The following POC1B variants were observed in gnomAD, a reference collection of about 807,000 sequenced individuals.
The protein encoded by POC1B is POC1 centriolar protein B.
In POC1B, 44 loss-of-function variants were observed where a neutral mutation model predicts 60.6. The ratio of observed to expected loss-of-function variants is 0.73; its 90% CI spans 0.57 to 0.93. The LOEUF (loss-of-function observed/expected upper bound fraction) is 0.93. Ranked by LOEUF, POC1B falls within the 40% of genes least tolerant of loss-of-function variation. The pLI is 0.00. For missense variants in POC1B, 555 were observed against 572.3 expected (o/e 0.97, Z 0.31); for synonymous variants, 180 against 198.9 (o/e 0.90, Z 0.80).
At chr12:89,522,797 A>C (rs1000403457) in intron 2 of POC1B, 13 of 1,547,504 alleles carry the variant, frequency 8.4e-6, no homozygotes, top group Non-Finnish European at 2.6e-6. Flanking sequence ...GCTCATGACG[A>C]AAGTGCTGTT....
chr12:89,507,175 G>T (rs770545627), intron 2 of POC1B, among the ~76,000 whole-genome samples: 1 of 150,672 alleles, frequency 6.6e-6, no homozygotes, highest in South Asian at 2.1e-4. Context: ...CTGTGGGGGT[G>T]GGGGAGGCTG....
At chr12:89,433,853 A>G (rs769956927) in intron 10 of POC1B, among the ~76,000 whole-genome samples, 3 of 152,196 alleles carry the variant, frequency 2.0e-5, no homozygotes, top group Non-Finnish European at 4.4e-5. Context: ...TCAAAAGCCA[A>G]TGTTGACTAA....
intron 10 of POC1B, among the ~76,000 whole-genome samples, chr12:89,439,486 T>C (rs1342223183): frequency 6.6e-6 from 1 of 152,258 alleles, no homozygotes; most frequent in African/African-American, 2.4e-5. Flanking sequence ...ATGCAGGGTC[T>C]GATTTGGTAG....
intron 3 of POC1B, 61 bp downstream of exon 3, chr12:89,497,110 G>A (rs1869288738): frequency 2.0e-6 from 3 of 1,532,564 alleles, no homozygotes; most frequent in Non-Finnish European, 1.8e-6. Flanking sequence ...AGCAGCCAGG[G>A]TCAGCTTTCT....
chr12:89,450,826 A>T (rs1882009227), intron 10 of POC1B, among the ~76,000 whole-genome samples: 1 of 152,186 alleles, frequency 6.6e-6, no homozygotes, highest in African/African-American at 2.4e-5. Context: ...TGTATATCTT[A>T]TTATTTCTTT....
the POC1B span, among the ~76,000 whole-genome samples, chr12:89,409,657 T>C: frequency 1.3e-5 from 2 of 152,246 alleles, no homozygotes; most frequent in Middle Eastern, 6.8e-3. Context: ...CAAACTACCA[T>C]TAGAGAATAC....
chr12:89,508,965 AT>A (rs2093626910), intron 2 of POC1B, among the ~76,000 whole-genome samples: 1 of 152,204 alleles, frequency 6.6e-6, no homozygotes, highest in South Asian at 2.1e-4. Flanking sequence ...GCGGTTCTTT[AT>A]AGAAGTGTGT....
rs1009124298 is a variant in POC1B at position 89,500,968 on chromosome 12, A to G, written c.101-3626T>C. The G allele has an allele frequency of 1.9e-5, 17 of 890,386 alleles. No individual in the cohort carries two copies. In the African/African-American group the frequency reaches 2.1e-4, roughly 11 times the overall value. The allele number at this position is 890,386 out of a possible 1,614,324, so 55.2% of individuals were successfully genotyped here. ...AGGCATGGAGGAATTGTTCCACCTC[A>G]TTCGTGTCCTCCCGATGATATGAAG... is the stretch of plus-strand genomic sequence containing the variant. On this transcript the variant is annotated intron_variant, in intron 2 of 11. Coordinates refer to ENST00000313546, the MANE Select transcript of POC1B (RefSeq NM_172240.3).
Position 89,525,211 on chromosome 12 carries a change from A to G in POC1B, c.16-7T>C, listed in dbSNP as rs1871344744. The stretch of plus-strand genomic sequence containing the variant: ...GCTCCAGAACGGGGTCCTCCTGGAA[A>G]GGAAAGTTGTCAAGTTTTGAAAGCC... On this transcript the variant is annotated splice_region_variant and splice_polypyrimidine_tract_variant and intron_variant, in intron 1 of 11. Transcript: ENST00000313546. 6.2e-7 allele frequency: 1 copy of G among 1,604,294 alleles called. No homozygotes were observed. Among genetic ancestry groups the G allele is most frequent in the South Asian group, 1.1e-5 (1 of 90,696 alleles).
At chr12:89,505,916 G>A (rs1869872786) in intron 2 of POC1B, among the ~76,000 whole-genome samples, 2 of 152,120 alleles carry the variant, frequency 1.3e-5, no homozygotes, top group South Asian at 2.1e-4. Context: ...ATACTGTAGG[G>A]TCTATGAGAC....
At chr12:89,479,660 G>T (rs1883246052) in intron 4 of POC1B, among the ~76,000 whole-genome samples, 1 of 151,948 alleles carries the variant, frequency 6.6e-6, no homozygotes, top group Non-Finnish European at 1.5e-5. Context: ...GTGCGACACT[G>T]AATAAGCTTG....
chr12:89,413,767 A>G, the POC1B span, among the ~76,000 whole-genome samples: 1 of 152,132 alleles, frequency 6.6e-6, no homozygotes. Flanking sequence ...AGTTTTTTAC[A>G]TATATGTTAA....
intron 4 of POC1B, among the ~76,000 whole-genome samples, chr12:89,485,599 G>A (rs751130011): frequency 2.0e-5 from 3 of 152,108 alleles, no homozygotes; most frequent in African/African-American, 4.8e-5. Context: ...GATAAAGACA[G>A]TCCATGAAGG....
rs375486036 is a variant in POC1B at position 89,445,141 on chromosome 12, C to T, written c.1113+14497G>A. Among the ~76,000 whole-genome samples the T allele has an allele frequency of 7.0e-4, 106 of 152,172 alleles. 4 individuals are homozygous for T. The highest frequency in any genetic ancestry group is 3.9e-3 in the East Asian group (20 of 5,166). On this transcript the variant is annotated intron_variant, in intron 10 of 11. Transcript: ENST00000313546. ...TAAATGGAAGAACATTCCATGCTCA[C>T]GGATAGGAAGAATCAATATTGTGAA...
chr12:89,514,402 CT>C (rs60679774), intron 2 of POC1B, among the ~76,000 whole-genome samples: 2,468 of 66,858 alleles, frequency 0.037, 37 homozygotes, highest in Admixed American at 0.052. Context: ...TCATGTATTT[CT>C]TTTTTTTTTT....
chr12:89,421,310 G>A, intron 11 of POC1B, 53 bp from the exon 12 acceptor site: 2 of 1,392,468 alleles, frequency 1.4e-6, no homozygotes, highest in Non-Finnish European at 2.0e-6. Context: ...TGGTGAGGAT[G>A]ACAATGACAA....
chr12:89,516,885 AT>A (rs1870466440), intron 2 of POC1B, among the ~76,000 whole-genome samples: 1 of 152,074 alleles, frequency 6.6e-6, no homozygotes. Flanking sequence ...TGTCCTCTGT[AT>A]GTTTTTTACA....
At chr12:89,455,165 CTG>C (rs1476235829) in intron 10 of POC1B, among the ~76,000 whole-genome samples, 3 of 152,070 alleles carry the variant, frequency 2.0e-5, no homozygotes. Context: ...GAAACCCTGT[CTG>C]TACTAAAAAA....
chr12:89,442,256 G>A (rs931547264), intron 10 of POC1B, among the ~76,000 whole-genome samples: 3 of 152,036 alleles, frequency 2.0e-5, no homozygotes, highest in African/African-American at 4.8e-5. Flanking sequence ...TACAGAGAAC[G>A]CCACAAAGAT....
Sources: allele counts gnomAD v4.1 joint callset (sites outside exome capture counted in the v4.1 genomes callset), GRCh38; gene constraint gnomAD v4.1.1; transcripts MANE v1.5; gene names NCBI Gene and HGNC (gene_info 2026-07-23, HGNC 2026-07-21).